NFIA: variants seen among roughly 807,000 people sequenced by gnomAD.
NFIA encodes the protein nuclear factor 1 A-type.
Under a neutral mutation model 62.8 loss-of-function variants are expected in NFIA, and 8 were observed. That is an observed-to-expected ratio of 0.13 (90% CI 0.07 to 0.23). The LOEUF (loss-of-function observed/expected upper bound fraction) is 0.23, where lower values mean the gene tolerates loss of function less well. NFIA is among the 10% of genes least tolerant of loss of function. The probability of loss-of-function intolerance (pLI) is 1.00; values close to 1 mark genes in which losing one functional copy is unlikely to be tolerated. For missense variants in NFIA, 410 were observed against 642.1 expected, an observed-to-expected ratio of 0.64 and a Z score of 3.91; for synonymous variants, 235 against 238.1, an observed-to-expected ratio of 0.99 and a Z score of 0.12.
intron 2 of NFIA, among the ~76,000 whole-genome samples, chr1:61,136,816 G>A (rs915578642): frequency 4.6e-5 from 7 of 151,740 alleles, no homozygotes; most frequent in African/African-American, 1.7e-4. Flanking sequence ...GGGTTTTTTC[G>A]GTGCACATTA....
intron 6 of NFIA, among the ~76,000 whole-genome samples, chr1:61,373,094 A>G (rs897317999): frequency 1.3e-5 from 2 of 152,190 alleles, no homozygotes; most frequent in East Asian, 3.8e-4. Flanking sequence ...TAGCAGCTCA[A>G]TTCATTGCAC....
intron 2 of NFIA, among the ~76,000 whole-genome samples, chr1:61,174,203 A>G: frequency 6.6e-6 from 1 of 152,116 alleles, no homozygotes. Context: ...TCGGCGGCTA[A>G]ATGTGGTTAC....
intron 2 of NFIA, among the ~76,000 whole-genome samples, chr1:61,198,680 G>T (rs2100585711): frequency 6.6e-6 from 1 of 152,268 alleles, no homozygotes; most frequent in Non-Finnish European, 1.5e-5. Context: ...GCTGAATAGT[G>T]GGGTGATGTT....
At chr1:61,196,174 T>C (rs1283437030) in intron 2 of NFIA, among the ~76,000 whole-genome samples, 1 of 152,210 alleles carries the variant, frequency 6.6e-6, no homozygotes, top group Non-Finnish European at 1.5e-5. Flanking sequence ...TAATGGTATC[T>C]TCTGAGAAAA....
intron 2 of NFIA, among the ~76,000 whole-genome samples, chr1:61,110,915 G>C (rs772993732): frequency 6.6e-6 from 1 of 152,246 alleles, no homozygotes; most frequent in Non-Finnish European, 1.5e-5. Flanking sequence ...CTTAAGAAAT[G>C]TAAGAGTGAT....
chr1:61,222,368 C>G (rs140597331), intron 2 of NFIA, among the ~76,000 whole-genome samples: 155 of 152,188 alleles, frequency 1.0e-3, no homozygotes, highest in African/African-American at 3.2e-3. Flanking sequence ...AGTTGGGTTT[C>G]TATGTACCTT....
At chr1:61,426,798 T>A (rs891534938) in intron 10 of NFIA, among the ~76,000 whole-genome samples, 1 of 152,114 alleles carries the variant, frequency 6.6e-6, no homozygotes, top group African/African-American at 2.4e-5. Flanking sequence ...CACAAAAAGG[T>A]TTCCCAGTGT....
Position 61,082,651 on chromosome 1 carries a change from T to C in NFIA, c.-141T>C. On this transcript the variant is annotated 5_prime_UTR_variant, in exon 1 of 11. Coordinates refer to ENST00000403491, the MANE Select transcript of NFIA (RefSeq NM_001134673.4). ...GGAAATGTGAACGCAAGAAGCAGGCTTGATTTTTTTTTCTCCCCCCTTCTC... is the reference window on the plus strand; with the variant it reads ...GGAAATGTGAACGCAAGAAGCAGGCCTGATTTTTTTTTCTCCCCCCTTCTC... The C allele has an allele frequency of 6.5e-7, 1 of 1,528,328 alleles. No individual in the cohort carries two copies. Among genetic ancestry groups the C allele is most frequent in the Non-Finnish European group, 8.8e-7 (1 of 1,133,758 alleles). 94.7% of individuals were successfully genotyped at this position (1,528,328 alleles called of 1,614,324 possible).
At chr1:61,327,571 G>A (rs1661019949) in intron 3 of NFIA, among the ~76,000 whole-genome samples, 1 of 151,934 alleles carries the variant, frequency 6.6e-6, no homozygotes, top group Non-Finnish European at 1.5e-5. Flanking sequence ...CTCCATCCAC[G>A]TTGCTGCAAA....
At chr1:61,233,193 G>A (rs1248882194) in intron 2 of NFIA, among the ~76,000 whole-genome samples, 4 of 152,124 alleles carry the variant, frequency 2.6e-5, no homozygotes, top group African/African-American at 9.7e-5. Context: ...TAGATGAAAG[G>A]CAGCCTAGAA....
At chr1:61,298,113 A>G (rs1483382576) in intron 3 of NFIA, among the ~76,000 whole-genome samples, 1 of 152,074 alleles carries the variant, frequency 6.6e-6, no homozygotes, top group Non-Finnish European at 1.5e-5. Flanking sequence ...TGTAATTCCC[A>G]TGTGTCAAGG....
intron 2 of NFIA, among the ~76,000 whole-genome samples, chr1:61,193,040 T>C (rs1651751679): frequency 1.3e-5 from 2 of 152,218 alleles, no homozygotes; most frequent in African/African-American, 4.8e-5. Context: ...ACTCCTCTGT[T>C]AAATAGTTTT....
At chr1:61,216,570 G>A (rs1293680915) in intron 2 of NFIA, among the ~76,000 whole-genome samples, 2 of 152,160 alleles carry the variant, frequency 1.3e-5, no homozygotes, top group Middle Eastern at 3.2e-3. Flanking sequence ...AACAAAACAT[G>A]ATTGATTGCT....
chr1:61,106,486 A>G (rs1646603376), intron 2 of NFIA, among the ~76,000 whole-genome samples: 1 of 151,810 alleles, frequency 6.6e-6, no homozygotes, highest in Non-Finnish European at 1.5e-5. Flanking sequence ...AAAGAATGAC[A>G]TTTCCCCCAA....
intron 2 of NFIA, among the ~76,000 whole-genome samples, chr1:61,216,063 T>G (rs906320693): frequency 6.6e-6 from 1 of 152,250 alleles, no homozygotes; most frequent in African/African-American, 2.4e-5. Context: ...GCTGATGCAC[T>G]GTGATAGTCA....
intron 2 of NFIA, among the ~76,000 whole-genome samples, chr1:61,192,031 C>T (rs1382793819): frequency 6.6e-6 from 1 of 151,540 alleles, no homozygotes; most frequent in Non-Finnish European, 1.5e-5. Context: ...GCAGTCTCAG[C>T]TCACTGCAAC....
chr1:61,078,522 C>T (rs1349381470), upstream of NFIA, among the ~76,000 whole-genome samples: 1 of 152,192 alleles, frequency 6.6e-6, no homozygotes, highest in African/African-American at 2.4e-5. Context: ...TTCAGCATTA[C>T]AAAACTTCTT....
intron 2 of NFIA, among the ~76,000 whole-genome samples, chr1:61,213,368 G>A (rs1022959518): frequency 3.9e-5 from 6 of 152,158 alleles, no homozygotes; most frequent in African/African-American, 7.2e-5. Flanking sequence ...CAGGAGATGC[G>A]GGTTGTGAAG....
chr1:61,284,213 C>A (rs1277885350), intron 3 of NFIA, among the ~76,000 whole-genome samples: 1 of 152,034 alleles, frequency 6.6e-6, no homozygotes, highest in African/African-American at 2.4e-5. Flanking sequence ...AACCTAAATG[C>A]CTTCTGGTTT....
Sources: allele counts gnomAD v4.1 joint callset (sites outside exome capture counted in the v4.1 genomes callset), GRCh38; gene constraint gnomAD v4.1.1; transcripts MANE v1.5; gene names NCBI Gene and HGNC (gene_info 2026-07-23, HGNC 2026-07-21).